Variants in PCDHA12 observed in about 807,000 individuals in gnomAD.
The protein encoded by PCDHA12 is protocadherin alpha-12.
In PCDHA12, 44 loss-of-function variants were observed where a neutral mutation model predicts 60.0. The ratio of observed to expected loss-of-function variants is 0.73; its 90% CI spans 0.58 to 0.94. PCDHA12 has a LOEUF of 0.94. Among genes scored for constraint, PCDHA12 ranks in the 40% least tolerant of loss-of-function variants. PCDHA12 has a pLI of 0.00. For synonymous variants in PCDHA12, 569 were observed against 553.0 expected (o/e 1.03, Z -0.40); for missense variants, 1,276 against 1,239.7 (o/e 1.03, Z -0.44).
At position 140,876,922 on chromosome 5, in the gene PCDHA12, G is replaced by C. The variant is rs1554169106; in HGVS notation, c.1450G>C (p.Ala484Pro). 6 of 1,613,906 alleles carry C rather than the reference G, an allele frequency of 3.7e-6. No individual in the cohort carries two copies. The highest frequency in any genetic ancestry group is 2.7e-5 in the African/African-American group (2 of 75,066). The change falls in exon 1 of 4, where the codon GCG becomes CCG. Residue 484 changes from alanine (A) to proline (P), a missense_variant. By Grantham distance (27) the Ala-to-Pro change is conservative (BLOSUM62 -1). Coordinates refer to ENST00000398631, the MANE Select transcript of PCDHA12 (RefSeq NM_018903.4). Reference protein sequence around the residue: ...IFTVSAWDADAQKNALVSYSL... With the variant: ...IFTVSAWDADPQKNALVSYSL... ...CACGGTGTCGGCATGGGACGCGGAC[G>C]CGCAGAAGAACGCGCTGGTGTCCTA...
intron 1 of PCDHA12, chr5:140,884,124 G>T: frequency 6.2e-7 from 1 of 1,613,344 alleles, no homozygotes; most frequent in South Asian, 1.1e-5. Flanking sequence ...GTCGGCGCGC[G>T]CATCCCGTTC....
chr5:140,966,788 C>A, intron 1 of PCDHA12: 1 of 1,527,436 alleles, frequency 6.5e-7, no homozygotes, highest in African/African-American at 1.4e-5. Flanking sequence ...GGGCACCAGA[C>A]CTGCGGCGAC....
rs782384853 is a variant in PCDHA12, at chr5:140,877,112, G to T, written c.1640G>T (p.Ser547Ile). The change falls in exon 1 of 4, where the codon AGC (serine) becomes ATC (isoleucine). Residue 547 changes from serine to isoleucine, a missense_variant. By Grantham distance (142) the Ser-to-Ile change is moderately radical. Transcript: ENST00000398631. ...GACGCCGGCGTGCCGCCTCTGGGCAGCAACGTGACGCTGCAGGTGTTCGTG... is the reference window on the plus strand; with the variant it reads ...GACGCCGGCGTGCCGCCTCTGGGCATCAACGTGACGCTGCAGGTGTTCGTG... The part of the protein sequence containing the change: ...ARDAGVPPLG[S>I]NVTLQVFVLD... 1.1e-5 allele frequency: 18 copies of T among 1,613,552 alleles called. No homozygotes were observed. The highest frequency in any genetic ancestry group is 4.0e-5 in the African/African-American group (3 of 74,940).
At chr5:140,922,837 C>T (rs1280492516) in intron 1 of PCDHA12, among the ~76,000 whole-genome samples, 2 of 152,134 alleles carry the variant, frequency 1.3e-5, no homozygotes, top group Non-Finnish European at 2.9e-5. Flanking sequence ...AATAGATGTC[C>T]TCAAAGAGAC....
chr5:140,951,021 G>A (rs960559037), intron 1 of PCDHA12, among the ~76,000 whole-genome samples: 1 of 151,932 alleles, frequency 6.6e-6, no homozygotes, highest in Non-Finnish European at 1.5e-5. Context: ...CAGGCAGTGA[G>A]TTTTAATTTC....
At chr5:140,896,673 G>A (rs962137649) in intron 1 of PCDHA12, among the ~76,000 whole-genome samples, 12 of 152,000 alleles carry the variant, frequency 7.9e-5, no homozygotes, top group Admixed American at 2.6e-4. Context: ...CACTGTGCCC[G>A]GCCCTTTGCC....
chr5:140,947,948 T>C (rs2094196051), intron 1 of PCDHA12, among the ~76,000 whole-genome samples: 1 of 151,586 alleles, frequency 6.6e-6, no homozygotes, highest in South Asian at 2.1e-4. Context: ...AAGTGTTCCA[T>C]ATTTTACAAT....
At chr5:140,899,400 AG>A (rs1331352997) in intron 1 of PCDHA12, among the ~76,000 whole-genome samples, 2 of 152,132 alleles carry the variant, frequency 1.3e-5, no homozygotes, top group Non-Finnish European at 2.9e-5. Context: ...TTTAGCATGA[AG>A]GGTTGTTGAA....
At chr5:140,911,892 G>A (rs2075679347) in intron 1 of PCDHA12, among the ~76,000 whole-genome samples, 1 of 152,176 alleles carries the variant, frequency 6.6e-6, no homozygotes. Flanking sequence ...ACCAAAATCT[G>A]TATTAGTCAG....
At position 141,009,698 on chromosome 5, in the gene PCDHA12, G is replaced by A. The variant is rs900919931; in HGVS notation, c.2587G>A (p.Gly863Arg). The part of the protein sequence containing the change: ...VNSNSWTFKY[G>R]PGNPKQSGPG... Reference sequence around the variant, plus strand: ...CAGCAACAGCTGGACCTTTAAATACGGACCAGGCAACCCCAAACAATCCGG... The same window carrying A: ...CAGCAACAGCTGGACCTTTAAATACAGACCAGGCAACCCCAAACAATCCGG... The change falls in exon 4 of 4, where the codon GGA (glycine) becomes AGA (arginine). Residue 863 changes from glycine (G) to arginine (R), a missense_variant. Physicochemically the swap from Gly to Arg is moderately radical, Grantham distance 125. Transcript: ENST00000398631. The A allele has an allele frequency of 1.9e-6, 3 of 1,614,030 alleles. No homozygotes were observed. The highest frequency in any genetic ancestry group is 1.1e-5 in the South Asian group (1 of 91,066).
At chr5:140,881,579 C>A (rs1299755224) in intron 1 of PCDHA12, among the ~76,000 whole-genome samples, 1 of 152,168 alleles carries the variant, frequency 6.6e-6, no homozygotes, top group Non-Finnish European at 1.5e-5. Context: ...TCTCAAGTCA[C>A]ATTGAGGGAA....
rs193129915 is a variant in PCDHA12 at position 140,907,396 on chromosome 5, T to C, written c.2367+29557T>C. On this transcript the variant is annotated intron_variant, in intron 1 of 3. Coordinates refer to ENST00000398631, the MANE Select transcript of PCDHA12 (RefSeq NM_018903.4). The stretch of plus-strand genomic sequence containing the variant: ...TGAGTGCCTTGGTCAAAGGCAATGC[T>C]GTGTGGAATACCACGATGGTGGATA... Among the ~76,000 whole-genome samples, 1,220 of 152,314 alleles carry C rather than the reference T, an allele frequency of 8.0e-3. 6 individuals are homozygous for C. Among genetic ancestry groups the C allele is most frequent in the African/African-American group, 0.019 (787 of 41,564 alleles).
intron 1 of PCDHA12, among the ~76,000 whole-genome samples, chr5:140,951,082 CTTT>C (rs573059224): frequency 6.6e-6 from 1 of 151,404 alleles, no homozygotes; most frequent in African/African-American, 2.4e-5. Flanking sequence ...TTATATTTTC[CTTT>C]TTTTCTGATA....
At chr5:140,984,405 C>T (rs782109046) in intron 3 of PCDHA12, among the ~76,000 whole-genome samples, 1 of 152,114 alleles carries the variant, frequency 6.6e-6, no homozygotes, top group Non-Finnish European at 1.5e-5. Context: ...GAGAACCTAT[C>T]TTTTTTACAG....
chr5:140,926,813 T>C, intron 1 of PCDHA12: 1 of 1,463,920 alleles, frequency 6.8e-7, no homozygotes, highest in East Asian at 2.5e-5. Flanking sequence ...CCGCGGCTCG[T>C]GCTCTCCAGG....
chr5:140,923,189 C>T (rs1452451112), intron 1 of PCDHA12, among the ~76,000 whole-genome samples: 4 of 152,092 alleles, frequency 2.6e-5, no homozygotes, highest in Admixed American at 6.5e-5. Context: ...GCATCTACTG[C>T]AGCAATTTGG....
At chr5:140,880,748 G>T (rs950550579) in intron 1 of PCDHA12, among the ~76,000 whole-genome samples, 10 of 152,220 alleles carry the variant, frequency 6.6e-5, no homozygotes, top group Non-Finnish European at 1.2e-4. Flanking sequence ...GATTGTCAGT[G>T]TAACTGCGTG....
chr5:140,995,388 A>G (rs1467282798), intron 3 of PCDHA12, among the ~76,000 whole-genome samples: 1 of 152,208 alleles, frequency 6.6e-6, no homozygotes. Flanking sequence ...GGCAGGATAA[A>G]GCGGGATGGC....
chr5:140,896,194 T>G (rs2065426928), intron 1 of PCDHA12, among the ~76,000 whole-genome samples: 2 of 152,244 alleles, frequency 1.3e-5, no homozygotes, highest in Middle Eastern at 3.2e-3. Flanking sequence ...AATAGTGCCA[T>G]GATGAACATA....
Sources: gnomAD v4.1 joint callset for allele counts (sites outside exome capture counted in the v4.1 genomes callset) on GRCh38, gnomAD v4.1.1 for gene constraint, MANE v1.5 for transcripts, NCBI Gene and HGNC (gene_info 2026-07-23, HGNC 2026-07-21) for gene names.